Variants in FAF1 observed in about 807,000 individuals in gnomAD.
The protein encoded by FAF1 is FAS-associated factor 1.
FAF1 carries 25 observed loss-of-function variants against 92.5 expected under a neutral mutation model. That is an observed-to-expected ratio of 0.27 (90% CI 0.20 to 0.38). The LOEUF (loss-of-function observed/expected upper bound fraction) is 0.38. FAF1 is among the 10% of genes least tolerant of loss of function. The pLI is 1.00. For synonymous variants in FAF1, 234 were observed against 273.2 expected, an observed-to-expected ratio of 0.86 and a Z score of 1.42; for missense variants, 636 against 793.3, an observed-to-expected ratio of 0.80 and a Z score of 2.38.
At chr1:50,504,373 A>G (rs900059036) in intron 15 of FAF1, among the ~76,000 whole-genome samples, 3 of 152,130 alleles carry the variant, frequency 2.0e-5, no homozygotes, top group Admixed American at 2.0e-4. Flanking sequence ...ATCAATTTCA[A>G]TGAAACAGTA....
intron 4 of FAF1, among the ~76,000 whole-genome samples, chr1:50,776,524 T>G (rs1038028012): frequency 6.7e-6 from 1 of 148,986 alleles, no homozygotes; most frequent in Non-Finnish European, 1.5e-5. Context: ...AAGCAGAGGA[T>G]TTTTTTTAGT....
intron 17 of FAF1, among the ~76,000 whole-genome samples, chr1:50,488,790 A>G (rs1297847085): frequency 6.6e-6 from 1 of 152,188 alleles, no homozygotes; most frequent in Admixed American, 6.5e-5. Flanking sequence ...CTAACCTTGT[A>G]GCTTGTTTTA....
Position 50,453,121 on chromosome 1 carries a change from A to G in FAF1, c.1870-11598T>C, listed in dbSNP as rs748293689. The stretch of plus-strand genomic sequence containing the variant: ...TGAGAAGGCTCCTAGCAGGACTTCA[A>G]TGAAAGACGTGGCTGGAAAGACAGT... On this transcript the variant is annotated intron_variant, in intron 18 of 18. Transcript: ENST00000396153. 9.9e-5 allele frequency among the ~76,000 whole-genome samples: 15 copies of G among 152,230 alleles called. No homozygotes were observed. The East Asian group carries it at 1.2e-3, about 12-fold the overall frequency.
chr1:50,618,065 T>C (rs778634662), intron 8 of FAF1, among the ~76,000 whole-genome samples: 1 of 152,146 alleles, frequency 6.6e-6, no homozygotes, highest in Admixed American at 6.5e-5. Context: ...TTAATCTAGC[T>C]AGTAGTCTAT....
At chr1:50,582,752 A>G in intron 11 of FAF1, 53 bp from the exon 12 acceptor site, 2 of 1,115,166 alleles carry the variant, frequency 1.8e-6, no homozygotes, top group Non-Finnish European at 2.7e-6. Flanking sequence ...TTCACTTCAG[A>G]TTTCACAAGT....
rs1553123409 is a variant in FAF1, at chr1:50,637,681, A to ATATGTGTGTGTGTG, written c.744+17760_744+17761insCACACACACACATA. Among the ~76,000 whole-genome samples, 352 of 137,140 alleles carry ATATGTGTGTGTGTG rather than the reference A, an allele frequency of 2.6e-3. 2 individuals are homozygous for ATATGTGTGTGTGTG. Among genetic ancestry groups the ATATGTGTGTGTGTG allele is most frequent in the Non-Finnish European group, 3.9e-3 (253 of 64,268 alleles). 90.0% of individuals were successfully genotyped at this position (137,140 alleles called of 152,430 possible). ...CACTCTGTGGCTCACACATATATAT[A>ATATGTGTGTGTGTG]TGTGTGTGTGTGTGTGTGTGTGTGT... On this transcript the variant is annotated intron_variant, in intron 8 of 18. Coordinates refer to ENST00000396153, the MANE Select transcript of FAF1 (RefSeq NM_007051.3).
intron 8 of FAF1, among the ~76,000 whole-genome samples, chr1:50,653,867 G>A (rs1370388056): frequency 6.6e-6 from 1 of 151,782 alleles, no homozygotes; most frequent in Non-Finnish European, 1.5e-5. Flanking sequence ...AAGATTCCAA[G>A]TCAAAAATAA....
intron 1 of FAF1, among the ~76,000 whole-genome samples, chr1:50,917,909 T>C (rs149501185): frequency 4.6e-4 from 70 of 152,268 alleles, no homozygotes; most frequent in African/African-American, 1.7e-3. Flanking sequence ...CTCAAAACAG[T>C]GCATGCTGTA....
intron 8 of FAF1, among the ~76,000 whole-genome samples, chr1:50,621,481 C>G (rs1371883356): frequency 7.1e-6 from 1 of 140,698 alleles, no homozygotes; most frequent in South Asian, 2.3e-4. Context: ...CTCACTGCAA[C>G]CTTCGCCTCT....
intron 15 of FAF1, among the ~76,000 whole-genome samples, chr1:50,495,808 T>G (rs1646891204): frequency 6.6e-6 from 1 of 152,214 alleles, no homozygotes; most frequent in African/African-American, 2.4e-5. Context: ...CCATTTTAAC[T>G]GAGGTGAGAT....
At chr1:50,636,238 T>C (rs1211178845) in intron 8 of FAF1, among the ~76,000 whole-genome samples, 2 of 152,122 alleles carry the variant, frequency 1.3e-5, no homozygotes, top group Non-Finnish European at 2.9e-5. Context: ...CTATACAATC[T>C]TGTAACCACT....
At chr1:50,455,450 C>G (rs12097873) in intron 18 of FAF1, among the ~76,000 whole-genome samples, 4,754 of 152,212 alleles carry the variant, frequency 0.031, 245 homozygotes, top group African/African-American at 0.11. Flanking sequence ...AAAAGCTTAA[C>G]TCCTCATAAA....
At chr1:50,634,086 A>C (rs924767562) in intron 8 of FAF1, among the ~76,000 whole-genome samples, 1 of 152,322 alleles carries the variant, frequency 6.6e-6, no homozygotes, top group African/African-American at 2.4e-5. Flanking sequence ...CATGATGCGA[A>C]GCAACAATTG....
In FAF1 at chr1:50,869,115, G is replaced by A. The variant is rs75651063; in HGVS notation, c.46-11118C>T. ...ACCTTCTTGAAAAATTGATTCTCCC[G>A]CGATTATGTTTCTTTTATCTTTGGT... On this transcript the variant is annotated intron_variant, in intron 1 of 18. Transcript: ENST00000396153. Among the ~76,000 whole-genome samples, 1,090 of 152,028 alleles carry A rather than the reference G, an allele frequency of 7.2e-3. 13 individuals are homozygous for A. Among genetic ancestry groups the A allele is most frequent in the African/African-American group, 0.025 (1,050 of 41,486 alleles).
At chr1:50,748,939 A>T (rs1331401935) in intron 4 of FAF1, among the ~76,000 whole-genome samples, 1 of 152,244 alleles carries the variant, frequency 6.6e-6, no homozygotes, top group Non-Finnish European at 1.5e-5. Flanking sequence ...GCAATTATTC[A>T]TGGTCTCAAT....
chr1:50,884,384 C>T (rs1185701432), intron 1 of FAF1, among the ~76,000 whole-genome samples: 1 of 151,620 alleles, frequency 6.6e-6, no homozygotes, highest in Non-Finnish European at 1.5e-5. Flanking sequence ...CAAAATTAGC[C>T]GGGCATGGTG....
intron 18 of FAF1, among the ~76,000 whole-genome samples, chr1:50,469,914 T>C (rs184505703): frequency 6.6e-6 from 1 of 152,262 alleles, no homozygotes; most frequent in East Asian, 1.9e-4. Context: ...CCAGATATAG[T>C]GACATAAAAT....
chr1:50,586,345 G>A (rs993032309), intron 9 of FAF1, among the ~76,000 whole-genome samples: 1 of 151,962 alleles, frequency 6.6e-6, no homozygotes, highest in Non-Finnish European at 1.5e-5. Context: ...AGGATCTCAG[G>A]ACCCCATGAA....
intron 15 of FAF1, among the ~76,000 whole-genome samples, chr1:50,502,818 C>CTT (rs998571331): frequency 6.6e-6 from 1 of 151,416 alleles, no homozygotes; most frequent in African/African-American, 2.4e-5. Flanking sequence ...TGTTTTTAAA[C>CTT]TTTTTTTTTC....
Sources: gnomAD v4.1 joint callset for allele counts (sites outside exome capture counted in the v4.1 genomes callset) on GRCh38, gnomAD v4.1.1 for gene constraint, MANE v1.5 for transcripts, NCBI Gene and HGNC (gene_info 2026-07-23, HGNC 2026-07-21) for gene names.